FAM186A: variants seen among roughly 807,000 people sequenced by gnomAD.
FAM186A encodes the protein family with sequence similarity 186 member A.
FAM186A carries 163 observed loss-of-function variants against 216.8 expected under a neutral mutation model. The observed-to-expected ratio is 0.75, with a 90% CI of 0.66 to 0.86. FAM186A has a LOEUF of 0.86. Ranked by LOEUF, FAM186A falls within the 40% of genes least tolerant of loss-of-function variation. The pLI is 0.00. For synonymous variants in FAM186A, 805 were observed against 1,025.3 expected (o/e 0.79, Z 4.10); for missense variants, 2,184 against 2,746.2 (o/e 0.80, Z 4.58).
intron 1 of FAM186A, 52 bp downstream of exon 1, chr12:50,396,241 A>G: frequency 7.0e-7 from 1 of 1,428,250 alleles, no homozygotes; most frequent in Non-Finnish European, 9.3e-7. Context: ...ACTTGGTCAC[A>G]GAAAGTTTAA....
intron 5 of FAM186A, among the ~76,000 whole-genome samples, chr12:50,332,686 A>G (rs1377844330): frequency 6.6e-6 from 1 of 152,154 alleles, no homozygotes; most frequent in Non-Finnish European, 1.5e-5. Context: ...GCCAAATCAA[A>G]AAAAGGAGAA....
intron 1 of FAM186A, among the ~76,000 whole-genome samples, chr12:50,384,411 C>A (rs1408396632): frequency 6.6e-6 from 1 of 152,010 alleles, no homozygotes; most frequent in Non-Finnish European, 1.5e-5. Flanking sequence ...GGTGACAGAG[C>A]CAGACCATGT....
chr12:50,341,564 C>G (rs1942762526), intron 4 of FAM186A, among the ~76,000 whole-genome samples: 1 of 152,160 alleles, frequency 6.6e-6, no homozygotes, highest in African/African-American at 2.4e-5. Flanking sequence ...CGACCTGACA[C>G]AGTGGCTCAT....
intron 1 of FAM186A, among the ~76,000 whole-genome samples, chr12:50,378,651 C>T (rs1943224895): frequency 6.9e-6 from 1 of 145,062 alleles, no homozygotes; most frequent in African/African-American, 2.6e-5. Context: ...CATATATATA[C>T]ACACACACAT....
At chr12:50,371,842 C>T (rs1943144721) in intron 1 of FAM186A, among the ~76,000 whole-genome samples, 2 of 151,522 alleles carry the variant, frequency 1.3e-5, no homozygotes, top group African/African-American at 2.4e-5. Context: ...GACGGAGTTT[C>T]GCTCTTATTG....
intron 1 of FAM186A, among the ~76,000 whole-genome samples, chr12:50,370,676 G>A (rs1943135388): frequency 1.3e-5 from 2 of 152,088 alleles, no homozygotes; most frequent in Admixed American, 1.3e-4. Context: ...TATAAGCAGG[G>A]TCCCTAAGAA....
Position 50,363,372 on chromosome 12 carries a change from A to T in FAM186A, c.193-8T>A, listed in dbSNP as rs1336649236. 1 of 1,543,716 alleles carries T rather than the reference A, an allele frequency of 6.5e-7. No individual in the cohort carries two copies. The highest frequency in any genetic ancestry group is 2.0e-5 in the Admixed American group (1 of 50,926). ...CAGCTGCATATCAATGTCCTGTCAGAATAAGAAGGGGGCATGTATTAATCT... is the reference window on the plus strand; with the variant it reads ...CAGCTGCATATCAATGTCCTGTCAGTATAAGAAGGGGGCATGTATTAATCT... On this transcript the variant is annotated splice_region_variant and splice_polypyrimidine_tract_variant and intron_variant, in intron 1 of 7. Coordinates refer to ENST00000327337, the MANE Select transcript of FAM186A (RefSeq NM_001145475.3).
intron 1 of FAM186A, among the ~76,000 whole-genome samples, chr12:50,373,020 A>G (rs1350891863): frequency 6.9e-6 from 1 of 144,018 alleles, no homozygotes; most frequent in African/African-American, 2.6e-5. Context: ...AGAAAGAAAG[A>G]AAGAAAGAAA....
intron 6 of FAM186A, 112 bp from the exon 7 acceptor site, chr12:50,330,870 C>G: frequency 2.3e-6 from 2 of 883,530 alleles, no homozygotes; most frequent in South Asian, 4.5e-5. Context: ...ATGCCTTCCC[C>G]TTGCACTGAC....
chr12:50,347,901 TTTGTTTTTTTG>T (rs1213283374), intron 4 of FAM186A, among the ~76,000 whole-genome samples: 1 of 151,992 alleles, frequency 6.6e-6, no homozygotes, highest in Non-Finnish European at 1.5e-5. Context: ...TTTCTTTTGT[TTTGTTTTTTTG>T]TTGTTTTTTT....
In FAM186A at chr12:50,355,929, G is replaced by C. The variant is rs1245046663; in HGVS notation, c.903C>G (p.Leu301=). Residue 301 remains leucine (L), a synonymous_variant, in exon 4 of 8, where the codon CTC becomes CTG. Coordinates refer to ENST00000327337, the MANE Select transcript of FAM186A (RefSeq NM_001145475.3). ...TGAGATCTCGTATTATCTTCAGAGA[G>C]AGCTCCTTTTCTGCTTCACTTGTCT... is the stretch of plus-strand genomic sequence containing the variant. The part of the protein sequence containing the change: ...AHETSEAEKE[L]SLKIIRDLSN... The C allele has an allele frequency of 5.8e-6, 9 of 1,551,390 alleles. No homozygotes were observed. Among genetic ancestry groups the C allele is most frequent in the Non-Finnish European group, 7.8e-6 (9 of 1,146,988 alleles).
chr12:50,385,628 T>C (rs1398807169), intron 1 of FAM186A, among the ~76,000 whole-genome samples: 1 of 151,876 alleles, frequency 6.6e-6, no homozygotes, highest in Non-Finnish European at 1.5e-5. Context: ...TTGCCGGGCG[T>C]GGTGGCTCAA....
At chr12:50,372,994 G>GGAAAGAAAGA (rs1491450637) in intron 1 of FAM186A, among the ~76,000 whole-genome samples, 5 of 59,508 alleles carry the variant, frequency 8.4e-5, no homozygotes, top group Non-Finnish European at 1.9e-4. Context: ...AAGGAAGGAA[G>GGAAAGAAAGA]GAATGAAAGA....
intron 1 of FAM186A, among the ~76,000 whole-genome samples, chr12:50,389,636 G>A (rs764768061): frequency 4.6e-5 from 7 of 152,186 alleles, no homozygotes; most frequent in Non-Finnish European, 8.8e-5. Context: ...CTTCTGGTGG[G>A]CCTTATTGAC....
In FAM186A at chr12:50,394,106, G is replaced by A. The variant is rs190545088; in HGVS notation, c.192+2187C>T. 5.3e-3 allele frequency among the ~76,000 whole-genome samples: 801 copies of A among 151,948 alleles called. 7 individuals are homozygous for A. Among genetic ancestry groups the A allele is most frequent in the Non-Finnish European group, 9.0e-3 (611 of 67,966 alleles). Reference sequence around the variant, plus strand: ...GCTAATTTTTTGTATTTTTAGTAGAGACCGGGTTTCACCATATTGGCCAGT... The same window carrying A: ...GCTAATTTTTTGTATTTTTAGTAGAAACCGGGTTTCACCATATTGGCCAGT... On this transcript the variant is annotated intron_variant, in intron 1 of 7. Coordinates refer to ENST00000327337, the MANE Select transcript of FAM186A (RefSeq NM_001145475.3).
intron 1 of FAM186A, among the ~76,000 whole-genome samples, chr12:50,384,084 C>G (rs1248381538): frequency 6.6e-6 from 1 of 151,946 alleles, no homozygotes; most frequent in Admixed American, 6.6e-5. Context: ...TACCACTGCA[C>G]TCCAACCTGG....
chr12:50,336,707 T>G (rs376904055), intron 4 of FAM186A, among the ~76,000 whole-genome samples: 25 of 152,202 alleles, frequency 1.6e-4, no homozygotes, highest in African/African-American at 5.8e-4. Flanking sequence ...ATGAGTAGTC[T>G]GGGGTTTTTG....
chr12:50,384,373 T>C (rs1347922445), intron 1 of FAM186A, among the ~76,000 whole-genome samples: 3 of 152,090 alleles, frequency 2.0e-5, no homozygotes, highest in African/African-American at 7.2e-5. Flanking sequence ...TTCATTGAGC[T>C]ATTATTGCAC....
intron 4 of FAM186A, among the ~76,000 whole-genome samples, chr12:50,346,748 G>T (rs927876741): frequency 1.3e-5 from 2 of 152,092 alleles, no homozygotes; most frequent in Non-Finnish European, 2.9e-5. Context: ...TCGGGAGGCT[G>T]AGGCAGGAGA....
Sources: gnomAD v4.1 joint callset for allele counts (sites outside exome capture counted in the v4.1 genomes callset) on GRCh38, gnomAD v4.1.1 for gene constraint, MANE v1.5 for transcripts, NCBI Gene and HGNC (gene_info 2026-07-23, HGNC 2026-07-21) for gene names.